The following TBX3 variants were observed in gnomAD, a reference collection of about 807,000 sequenced individuals.
The protein encoded by TBX3 is T-box transcription factor 3, also known as T-box transcription factor TBX3.
TBX3 carries 11 observed loss-of-function variants against 47.8 expected under a neutral mutation model. The ratio of observed to expected loss-of-function variants is 0.23; its 90% confidence interval spans 0.14 to 0.38. TBX3 has a LOEUF of 0.38. TBX3 is among the 10% of genes least tolerant of loss of function. The probability of loss-of-function intolerance (pLI) is 1.00; values close to 1 mark genes in which losing one functional copy is unlikely to be tolerated. For missense variants in TBX3, 927 were observed against 1,022.8 expected (o/e 0.91, Z 1.28); for synonymous variants, 500 against 449.3 (o/e 1.11, Z -1.43).
At chr12:114,675,516 G>A (rs1416804396) in intron 5 of TBX3, among the ~76,000 whole-genome samples, 1 of 152,154 alleles carries the variant, frequency 6.6e-6, no homozygotes, top group East Asian at 1.9e-4. Context: ...CCCTCTGTGG[G>A]TGTTCCACCA....
chr12:114,674,121 C>G (rs1868581261), intron 6 of TBX3, 44 bp downstream of exon 6: 2 of 1,562,058 alleles, frequency 1.3e-6, no homozygotes, highest in Non-Finnish European at 1.7e-6. Context: ...GGAAACTGGA[C>G]GAAAGGTGGA....
In TBX3 at chr12:114,674,846, C is replaced by G. The variant is rs775876595; in HGVS notation, c.1040-11G>C. On this transcript the variant is annotated splice_polypyrimidine_tract_variant and intron_variant, in intron 5 of 6. Coordinates refer to ENST00000349155, the MANE Select transcript of TBX3 (RefSeq NM_005996.4). ...CGCTGGGACATAAATCTACCACAGG[C>G]GAAGGAAAAAACCAAGGCAGAAGGG... 1 of 1,561,548 alleles carries G rather than the reference C, an allele frequency of 6.4e-7. No individual in the cohort carries two copies. Among genetic ancestry groups the G allele is most frequent in the East Asian group, 2.3e-5 (1 of 43,606 alleles).
At position 114,674,515 on chromosome 12, in the gene TBX3, G is replaced by T; in HGVS notation, c.1360C>A (p.Pro454Thr). Residue 454 changes from proline to threonine, a missense_variant, in exon 6 of 7, where the codon CCG (proline) becomes ACG (threonine). Pro to Thr is a conservative substitution (Grantham distance 38, BLOSUM62 -1). Around this residue, in one of 5 missense-constraint regions of TBX3, gnomAD observed 623 missense variants for 569.0 expected, o/e 1.09. Transcript: ENST00000349155. ...AGCGGCGCGAAGGCCTCCTTGCCCG[G>T]GAGCGCGCGCGCCTCTTCCACCTTG... is the stretch of plus-strand genomic sequence containing the variant. ...PAKVEEARAL[P>T]GKEAFAPLTV... 1 of 1,510,866 alleles carries T rather than the reference G, an allele frequency of 6.6e-7. No homozygotes were observed. The allele number at this position is 1,510,866 out of a possible 1,614,324, so 93.6% of individuals were successfully genotyped here. A position where few individuals can be genotyped will look rare whatever the true frequency, so the allele number is the denominator to read the frequency against.
At position 114,683,421 on chromosome 12, in the gene TBX3, A is replaced by AG. The variant is rs1433240813; in HGVS notation, c.-222dup. 1 of 616,140 alleles carries AG rather than the reference A, an allele frequency of 1.6e-6. No individual in the cohort carries two copies. Among genetic ancestry groups the AG allele is most frequent in the Non-Finnish European group, 2.7e-6 (1 of 372,110 alleles). 38.2% of individuals were successfully genotyped at this position (616,140 alleles called of 1,614,324 possible). A position where few individuals can be genotyped will look rare whatever the true frequency, so the allele number is the denominator to read the frequency against. On this transcript the variant is annotated 5_prime_UTR_variant, in exon 1 of 7. It removes the in-frame stop codon of an upstream open reading frame in the 5' UTR. Transcript: ENST00000349155. This position sits in a 1 kb window ranked among gnomAD's most constrained non-coding sequence, Gnocchi z 7.7. The stretch of plus-strand genomic sequence containing the variant: ...GGAGAATGGGAGGCCGCTTTTAAAG[A>AG]GGGCAAGGCGAAAAATCAGCAAACA...
intron 2 of TBX3, 24 bp from the exon 3 acceptor site, chr12:114,679,675 C>T (rs1184315009): frequency 1.2e-6 from 2 of 1,614,090 alleles, no homozygotes; most frequent in Non-Finnish European, 1.7e-6. Flanking sequence ...GAAGAGGAGA[C>T]ATACATAAAA....
At chr12:114,682,726 C>A (rs912932266) in intron 1 of TBX3, 86 bp downstream of exon 1, 1 of 1,602,786 alleles carries the variant, frequency 6.2e-7, no homozygotes, top group South Asian at 1.1e-5. Flanking sequence ...CCGTAATAAC[C>A]GACCAACCGA....
At chr12:114,678,380 A>T (rs1431666381) in intron 3 of TBX3, among the ~76,000 whole-genome samples, 1 of 152,328 alleles carries the variant, frequency 6.6e-6, no homozygotes, top group East Asian at 1.9e-4. Context: ...AAAATGCTAT[A>T]GTGTGTAATC....
At position 114,674,471 on chromosome 12, in the gene TBX3, C is replaced by T. The variant is rs958744217; in HGVS notation, c.1404G>A (p.Ala468=). The T allele has an allele frequency of 5.8e-6, 9 of 1,540,412 alleles. No individual in the cohort carries two copies. The Admixed American group carries it at 8.0e-5, about 14-fold the overall frequency. The change falls in exon 6 of 7, where the codon GCG becomes GCA. Residue 468 remains alanine (A), a synonymous_variant. Transcript: ENST00000349155. Reference sequence around the variant, plus strand: ...GGCCCTGGGCCAGGTGCGCGGCGGCCGCGTCCGTCTGCACCGTGAGCGGCG... The same window carrying T: ...GGCCCTGGGCCAGGTGCGCGGCGGCTGCGTCCGTCTGCACCGTGAGCGGCG... ...AFAPLTVQTD[A]AAAHLAQGPL...
intron 2 of TBX3, chr12:114,679,983 A>T (rs1868859162): frequency 6.2e-7 from 1 of 1,613,976 alleles, no homozygotes; most frequent in African/African-American, 1.3e-5. Context: ...CTTAAAAGAT[A>T]GAGAAAAACA....
chr12:114,678,335 G>A (rs1868796559), intron 3 of TBX3, among the ~76,000 whole-genome samples: 1 of 152,148 alleles, frequency 6.6e-6, no homozygotes. Flanking sequence ...ACAGGATTCT[G>A]GGTCTAGAGG....
In TBX3 at chr12:114,670,953, CTTT is replaced by C. The variant is rs1271007028; in HGVS notation, c.*885_*887del. 2 of 210,804 alleles carry C rather than the reference CTTT, an allele frequency of 9.5e-6. No individual in the cohort carries two copies. Among genetic ancestry groups the C allele is most frequent in the Non-Finnish European group, 1.9e-5 (2 of 104,014 alleles). 13.1% of individuals were successfully genotyped at this position (210,804 alleles called of 1,614,324 possible). ...AATACTTTGTCTAATAGTCTCACTTCTTTATTATTTTTTTAAAACCTTGTTATT... is the reference window on the plus strand; with the variant it reads ...AATACTTTGTCTAATAGTCTCACTTCATTATTTTTTTAAAACCTTGTTATT... On this transcript the variant is annotated 3_prime_UTR_variant, in exon 7 of 7. Transcript: ENST00000349155.
At chr12:114,680,740 T>C in intron 2 of TBX3, 139 bp downstream of exon 2, 1 of 1,295,222 alleles carries the variant, frequency 7.7e-7, no homozygotes, top group Non-Finnish European at 1.1e-6. Flanking sequence ...CCCGAATCCT[T>C]TTTCCAGACG....
intron 3 of TBX3, among the ~76,000 whole-genome samples, chr12:114,679,027 G>A (rs1799238391): frequency 6.6e-6 from 1 of 152,108 alleles, no homozygotes; most frequent in African/African-American, 2.4e-5. Context: ...AGCATAAAAG[G>A]TAATAAAAAC....
chr12:114,682,729 C>A, intron 1 of TBX3, 83 bp downstream of exon 1: 6 of 1,606,142 alleles, frequency 3.7e-6, no homozygotes, highest in Non-Finnish European at 5.1e-6. Context: ...TAATAACCGA[C>A]CAACCGACTG....
chr12:114,675,889 C>G (rs554027735), intron 5 of TBX3, among the ~76,000 whole-genome samples: 6 of 152,234 alleles, frequency 3.9e-5, no homozygotes, highest in South Asian at 2.1e-4. Context: ...GCTTCCCCCC[C>G]ACCCAGTCCA....
chr12:114,679,846 C>CA, intron 2 of TBX3, 195 bp from the exon 3 acceptor site: 1 of 1,582,656 alleles, frequency 6.3e-7, no homozygotes, highest in Non-Finnish European at 8.7e-7. Flanking sequence ...AATTGCTCCT[C>CA]AGTTGCCAAA....
In TBX3 at chr12:114,674,480, C is replaced by T; in HGVS notation, c.1395G>A (p.Gln465=). The change falls in exon 6 of 7, where the codon CAG becomes CAA. Residue 465 remains glutamine (Q), a synonymous_variant. Transcript: ENST00000349155. ...CCAGGTGCGCGGCGGCCGCGTCCGT[C>T]TGCACCGTGAGCGGCGCGAAGGCCT... ...GKEAFAPLTV[Q]TDAAAAHLAQ... The T allele has an allele frequency of 6.5e-7, 1 of 1,534,312 alleles. No homozygotes were observed. Among genetic ancestry groups the T allele is most frequent in the Non-Finnish European group, 8.8e-7 (1 of 1,141,450 alleles).
chr12:114,683,982 C>G lies in TBX3; in HGVS notation c.-782G>C. ...TCTCTTCCTTGTCCTAAAACGTGAG[C>G]GAATTCGCTTCCTAAATCTGTGTCC... On this transcript the variant is annotated 5_prime_UTR_variant, in exon 1 of 7. Coordinates refer to ENST00000349155, the MANE Select transcript of TBX3 (RefSeq NM_005996.4). The surrounding 1 kb of genome is among the most constrained non-coding windows in gnomAD (Gnocchi z 7.7). 1 of 229,640 alleles carries G rather than the reference C, an allele frequency of 4.4e-6. No homozygotes were observed. Among genetic ancestry groups the G allele is most frequent in the Non-Finnish European group, 8.6e-6 (1 of 116,044 alleles). The allele number at this position is 229,640 out of a possible 1,614,324, so 14.2% of individuals were successfully genotyped here.
In TBX3 at chr12:114,683,947, C is replaced by G. The variant is rs1869071767; in HGVS notation, c.-747G>C. On this transcript the variant is annotated 5_prime_UTR_variant, in exon 1 of 7. Transcript: ENST00000349155. This position sits in a 1 kb window ranked among gnomAD's most constrained non-coding sequence, Gnocchi z 7.7. Reference sequence around the variant, plus strand: ...TCCAAATCTTGCTGGGCTCTTCTCCCGTGCCTCTCTCTCTTCCTTGTCCTA... The same window carrying G: ...TCCAAATCTTGCTGGGCTCTTCTCCGGTGCCTCTCTCTCTTCCTTGTCCTA... The G allele has an allele frequency of 8.6e-6, 2 of 231,594 alleles. No individual in the cohort carries two copies. Among genetic ancestry groups the G allele is most frequent in the Non-Finnish European group, 1.7e-5 (2 of 117,028 alleles). The allele number at this position is 231,594 out of a possible 1,614,324, so 14.3% of individuals were successfully genotyped here. A position where few individuals can be genotyped will look rare whatever the true frequency, so the allele number is the denominator to read the frequency against.
Sources: gnomAD v4.1 joint callset for allele counts (sites outside exome capture counted in the v4.1 genomes callset) on GRCh38, gnomAD v4.1.1 for gene constraint, gnomAD v4.1.1 regional missense constraint, Gnocchi (gnomAD v3.1) non-coding constraint, MANE v1.5 for transcripts, NCBI Gene and HGNC (gene_info 2026-07-23, HGNC 2026-07-21) for gene names.